Variants in BTAF1 observed in about 807,000 individuals in gnomAD.
The protein encoded by BTAF1 is TATA-binding protein-associated factor 172.
A neutral mutation model predicts 227.1 loss-of-function variants in BTAF1; 38 were observed. That is an observed-to-expected ratio of 0.17 (90% CI 0.13 to 0.22). The LOEUF is 0.22. BTAF1 is among the 10% of genes least tolerant of loss of function. The pLI, the probability that BTAF1 is intolerant of heterozygous loss-of-function variation, is 1.00. For missense variants in BTAF1, 1,598 were observed against 2,204.0 expected (o/e 0.73, Z 5.51); for synonymous variants, 742 against 751.9 (o/e 0.99, Z 0.21).
intron 5 of BTAF1, among the ~76,000 whole-genome samples, chr10:91,953,336 A>G (rs1234031640): frequency 1.3e-5 from 2 of 152,190 alleles, no homozygotes; most frequent in African/African-American, 4.8e-5. Flanking sequence ...ACTTAAGGCT[A>G]TAATTTATTT....
chr10:91,945,098 T>C (rs1798449646), intron 4 of BTAF1, among the ~76,000 whole-genome samples: 1 of 152,154 alleles, frequency 6.6e-6, no homozygotes, highest in Non-Finnish European at 1.5e-5. Flanking sequence ...GAATGACACA[T>C]TTCTCGGAAT....
At chr10:91,965,772 A>C (rs1013190994) in intron 13 of BTAF1, among the ~76,000 whole-genome samples, 5 of 152,168 alleles carry the variant, frequency 3.3e-5, no homozygotes, top group African/African-American at 1.2e-4. Flanking sequence ...ACCTGTGTTT[A>C]AGTTAGAATT....
chr10:91,945,492 C>T (rs1456276684), intron 4 of BTAF1, among the ~76,000 whole-genome samples: 1 of 152,142 alleles, frequency 6.6e-6, no homozygotes, highest in Non-Finnish European at 1.5e-5. Flanking sequence ...CTTTCTGTCT[C>T]CATGAATTTG....
intron 20 of BTAF1, among the ~76,000 whole-genome samples, chr10:91,991,832 T>TATATATATATATATACACAC (rs1466556430): frequency 8.9e-5 from 1 of 11,294 alleles, no homozygotes; most frequent in African/African-American, 1.3e-4. Context: ...TATATATATA[T>TATATATATATATATACACAC]ACACACATAT....
chr10:91,936,407 G>C (rs1220368013), intron 2 of BTAF1, among the ~76,000 whole-genome samples: 2 of 80,430 alleles, frequency 2.5e-5, no homozygotes, highest in South Asian at 3.6e-4. Flanking sequence ...GGATAGGGTA[G>C]GGGAGCAATA....
At chr10:91,990,570 G>A (rs367973588) in intron 20 of BTAF1, among the ~76,000 whole-genome samples, 1 of 150,676 alleles carries the variant, frequency 6.6e-6, no homozygotes, top group Admixed American at 6.6e-5. Context: ...CGAGGCAGGC[G>A]GATCACCTGA....
chr10:91,984,938 T>C (rs981209607), intron 19 of BTAF1, among the ~76,000 whole-genome samples: 3 of 152,190 alleles, frequency 2.0e-5, no homozygotes, highest in African/African-American at 7.2e-5. Flanking sequence ...GTTTCAGATA[T>C]CAGTATACTT....
intron 2 of BTAF1, among the ~76,000 whole-genome samples, chr10:91,938,020 A>T (rs1016791544): frequency 1.3e-5 from 2 of 152,332 alleles, no homozygotes; most frequent in East Asian, 1.9e-4. Flanking sequence ...GATATCAGGC[A>T]TATGTATTTA....
rs752960108 is a variant in BTAF1 at position 91,953,852 on chromosome 10, C to T, written c.680C>T (p.Ala227Val). The T allele has an allele frequency of 6.2e-7, 1 of 1,613,920 alleles. No individual in the cohort carries two copies. The highest frequency in any genetic ancestry group is 8.5e-7 in the Non-Finnish European group (1 of 1,179,900). Residue 227 changes from alanine to valine, a missense_variant, in exon 6 of 38, where the codon GCA becomes GTA. Ala to Val is a moderately conservative substitution (Grantham distance 64). Transcript: ENST00000265990. Reference protein sequence around the residue: ...KLFAKQRSRDAVETNEKSNDS... With the variant: ...KLFAKQRSRDVVETNEKSNDS... Reference sequence around the variant, plus strand: ...TTTGCAAAACAGAGATCCAGGGATGCAGTGGAAACTAATGAGAAGAGGTAG... The same window carrying T: ...TTTGCAAAACAGAGATCCAGGGATGTAGTGGAAACTAATGAGAAGAGGTAG...
chr10:92,021,604 C>T (rs1441499256), intron 34 of BTAF1, among the ~76,000 whole-genome samples: 2 of 151,692 alleles, frequency 1.3e-5, no homozygotes, highest in South Asian at 2.1e-4. Flanking sequence ...TGCAGTGGCG[C>T]GATCTTGGCT....
At chr10:91,927,465 A>C (rs1843934070) in intron 1 of BTAF1, among the ~76,000 whole-genome samples, 1 of 152,144 alleles carries the variant, frequency 6.6e-6, no homozygotes, top group Admixed American at 6.5e-5. Flanking sequence ...AGCTATTTGC[A>C]CCAATACATA....
At position 91,939,945 on chromosome 10, in the gene BTAF1, T is replaced by G. The variant is rs1448152093; in HGVS notation, c.139-7T>G. The G allele has an allele frequency of 6.3e-7, 1 of 1,585,012 alleles. No individual in the cohort carries two copies. The highest frequency in any genetic ancestry group is 1.7e-5 in the Admixed American group (1 of 59,576). On this transcript the variant is annotated splice_region_variant and splice_polypyrimidine_tract_variant and intron_variant, in intron 2 of 37. Transcript: ENST00000265990. ...GTATACGTAACTTTTATTTTATAAT[T>G]TTTAAGGTGTTGATATATTTAAGGA... is the stretch of plus-strand genomic sequence containing the variant.
chr10:91,964,012 A>G, intron 12 of BTAF1, 65 bp from the exon 13 acceptor site: 1 of 1,577,662 alleles, frequency 6.3e-7, no homozygotes, highest in Non-Finnish European at 8.7e-7. Context: ...CTGGGATACC[A>G]TTTGGCAGGG....
intron 11 of BTAF1, among the ~76,000 whole-genome samples, chr10:91,960,686 G>A (rs193150980): frequency 1.6e-4 from 24 of 151,410 alleles, no homozygotes; most frequent in Admixed American, 5.9e-4. Context: ...TGAAAAATTA[G>A]ATGCCTTGCT....
intron 8 of BTAF1, 111 bp downstream of exon 8, chr10:91,957,404 C>G: frequency 1.3e-6 from 1 of 772,420 alleles, no homozygotes; most frequent in Middle Eastern, 2.4e-4. Context: ...CTGTTTGTCT[C>G]AGGACTCAGG....
chr10:91,961,670 C>G (rs1231717291), intron 11 of BTAF1, among the ~76,000 whole-genome samples: 1 of 152,074 alleles, frequency 6.6e-6, no homozygotes, highest in African/African-American at 2.4e-5. Context: ...TAACAGTAGA[C>G]TTATATGGAA....
Position 91,951,932 on chromosome 10 carries a change from A to C in BTAF1, c.564+366A>C, listed in dbSNP as rs572124176. On this transcript the variant is annotated intron_variant, in intron 5 of 37. Transcript: ENST00000265990. ...CTATTATAGTCAGATATGATAGTAG[A>C]AGTGTTTAGTGTTATGATTTATTCT... is the stretch of plus-strand genomic sequence containing the variant. Among the ~76,000 whole-genome samples the C allele has an allele frequency of 2.0e-5, 3 of 152,146 alleles. No individual in the cohort carries two copies. In the South Asian group the frequency reaches 6.2e-4, roughly 32 times the overall value.
At chr10:91,954,880 C>G (rs1845992732) in intron 6 of BTAF1, among the ~76,000 whole-genome samples, 1 of 152,162 alleles carries the variant, frequency 6.6e-6, no homozygotes, top group Non-Finnish European at 1.5e-5. Flanking sequence ...TCTTGGGTCC[C>G]ACTCAGATCT....
At chr10:92,011,642 G>A (rs1190953655) in intron 30 of BTAF1, among the ~76,000 whole-genome samples, 1 of 152,144 alleles carries the variant, frequency 6.6e-6, no homozygotes, top group East Asian at 1.9e-4. Context: ...TATATAAATA[G>A]AAATCTTGTG....
Sources: allele counts gnomAD v4.1 joint callset (sites outside exome capture counted in the v4.1 genomes callset), GRCh38; gene constraint gnomAD v4.1.1; transcripts MANE v1.5; gene names NCBI Gene and HGNC (gene_info 2026-07-23, HGNC 2026-07-21).